The following GPHN variants were observed in gnomAD, a reference collection of about 807,000 sequenced individuals.
The protein encoded by GPHN is gephyrin.
A neutral mutation model predicts 95.5 loss-of-function variants in GPHN; 17 were observed. That is an observed-to-expected ratio of 0.18 (90% CI 0.12 to 0.27). The LOEUF is 0.27. GPHN is among the 10% of genes least tolerant of loss of function. The pLI is 1.00. For missense variants in GPHN, 660 were observed against 978.1 expected (o/e 0.67, Z 4.34); for synonymous variants, 320 against 322.5 (o/e 0.99, Z 0.08).
chr14:66,841,000 TATA>T (rs2062057509), intron 4 of GPHN, among the ~76,000 whole-genome samples: 1 of 139,100 alleles, frequency 7.2e-6, no homozygotes, highest in African/African-American at 2.7e-5. Context: ...TAGATATAGA[TATA>T]GATATAGATA....
At chr14:66,844,807 A>C (rs895588968) in intron 4 of GPHN, among the ~76,000 whole-genome samples, 2 of 152,132 alleles carry the variant, frequency 1.3e-5, no homozygotes, top group African/African-American at 4.8e-5. Flanking sequence ...GTTTTGTGCA[A>C]CCGTCACCAC....
the GPHN span, among the ~76,000 whole-genome samples, chr14:67,321,700 C>T: frequency 1.3e-5 from 2 of 152,108 alleles, no homozygotes; most frequent in African/African-American, 2.4e-5. Flanking sequence ...GACTATGACC[C>T]GTCACATGAG....
intron 8 of GPHN, among the ~76,000 whole-genome samples, chr14:66,931,859 T>C (rs1470841567): frequency 6.6e-6 from 1 of 152,246 alleles, no homozygotes; most frequent in African/African-American, 2.4e-5. Flanking sequence ...ACAGACTTGG[T>C]CACTGGTGCC....
the GPHN span, among the ~76,000 whole-genome samples, chr14:67,369,958 G>A: frequency 2.6e-5 from 4 of 152,210 alleles, no homozygotes; most frequent in African/African-American, 9.6e-5. Context: ...AGCCTTCAGA[G>A]CTGAGAGCCC....
the GPHN span, among the ~76,000 whole-genome samples, chr14:67,539,697 AG>A: frequency 6.6e-6 from 1 of 152,186 alleles, no homozygotes; most frequent in Non-Finnish European, 1.5e-5. Flanking sequence ...GGATGGGTAA[AG>A]AGCACAGAGT....
the GPHN span, among the ~76,000 whole-genome samples, chr14:67,490,775 T>C: frequency 0.021 from 3,192 of 152,246 alleles, 100 homozygotes; most frequent in African/African-American, 0.07. Flanking sequence ...TCTGTTTTTT[T>C]ACCCCCACTC....
chr14:67,726,920 C>G, the GPHN span: 2 of 1,494,538 alleles, frequency 1.3e-6, no homozygotes, highest in African/African-American at 2.8e-5. Context: ...CTCTTGGCTC[C>G]CACATGCTGA....
the GPHN span, among the ~76,000 whole-genome samples, chr14:67,559,936 G>A: frequency 2.0e-5 from 3 of 152,338 alleles, no homozygotes; most frequent in Admixed American, 1.3e-4. Flanking sequence ...GAGAAGGAAT[G>A]TGTCTCACTT....
At chr14:67,556,018 C>T in the GPHN span, 273 of 1,208,570 alleles carry the variant, frequency 2.3e-4, no homozygotes, top group Middle Eastern at 2.8e-4. Context: ...AATGAGTGTG[C>T]GTGGAGCTTT....
Position 66,921,442 on chromosome 14 carries a change from TTG to T in GPHN, c.457-1222_457-1221del, listed in dbSNP as rs1406031999. On this transcript the variant is annotated intron_variant, in intron 6 of 22. Transcript: ENST00000478722. The stretch of plus-strand genomic sequence containing the variant: ...GTCATTAGCCCACTTTTTGATGGGA[TTG>T]TTTTTTTTTTTTTTTCTTACTGATT... Among the ~76,000 whole-genome samples, 187 of 148,376 alleles carry T rather than the reference TTG, an allele frequency of 1.3e-3. 1 individual carries two copies. The highest frequency in any genetic ancestry group is 0.01 in the Middle Eastern group (3 of 288).
chr14:67,619,773 C>A, the GPHN span: 2 of 538,500 alleles, frequency 3.7e-6, no homozygotes, highest in Non-Finnish European at 6.6e-6. Flanking sequence ...CACGTCCCAG[C>A]CTTGCAGAGC....
chr14:67,699,544 T>C, the GPHN span, among the ~76,000 whole-genome samples: 1 of 145,740 alleles, frequency 6.9e-6, no homozygotes, highest in African/African-American at 2.6e-5. Context: ...GAGCTGTGAT[T>C]GTGCCACTGC....
chr14:66,710,613 T>C (rs986488845), intron 2 of GPHN, among the ~76,000 whole-genome samples: 1 of 152,188 alleles, frequency 6.6e-6, no homozygotes, highest in Non-Finnish European at 1.5e-5. Context: ...AGGTAGAACA[T>C]CTGTTAAGGG....
chr14:67,370,183 G>T, the GPHN span, among the ~76,000 whole-genome samples: 3 of 152,360 alleles, frequency 2.0e-5, no homozygotes, highest in East Asian at 5.8e-4. Flanking sequence ...GGCGGGCCAG[G>T]TGTTCCTTGC....
At chr14:66,653,210 G>C (rs1456405026) in intron 1 of GPHN, among the ~76,000 whole-genome samples, 1 of 152,280 alleles carries the variant, frequency 6.6e-6, no homozygotes, top group Middle Eastern at 3.4e-3. Flanking sequence ...TAAAAAGAAA[G>C]TGTGATGGTT....
the GPHN span, among the ~76,000 whole-genome samples, chr14:67,265,424 C>T: frequency 1.3e-5 from 2 of 151,976 alleles, no homozygotes; most frequent in Non-Finnish European, 2.9e-5. Context: ...TGGATGGTGG[C>T]GTGTGCCTGT....
At chr14:66,517,839 T>C (rs72724570) in intron 1 of GPHN, among the ~76,000 whole-genome samples, 8,311 of 152,094 alleles carry the variant, frequency 0.055, 318 homozygotes, top group Middle Eastern at 0.099. Flanking sequence ...ATGGAACTGC[T>C]AGAAGAAAAC....
chr14:66,786,704 C>G (rs952958797), intron 3 of GPHN, among the ~76,000 whole-genome samples: 1 of 151,916 alleles, frequency 6.6e-6, no homozygotes, highest in Non-Finnish European at 1.5e-5. Context: ...TTGAAATATA[C>G]AGAAAACTAC....
At chr14:66,585,881 G>A (rs1347469315) in intron 1 of GPHN, among the ~76,000 whole-genome samples, 1 of 152,168 alleles carries the variant, frequency 6.6e-6, no homozygotes, top group Non-Finnish European at 1.5e-5. Context: ...TTGGGGTGGA[G>A]AGTTCTGTAG....
Sources: gnomAD v4.1 joint callset for allele counts (sites outside exome capture counted in the v4.1 genomes callset) on GRCh38, gnomAD v4.1.1 for gene constraint, MANE v1.5 for transcripts, NCBI Gene and HGNC (gene_info 2026-07-23, HGNC 2026-07-21) for gene names.